Variants in SMG1 observed in about 807,000 individuals in gnomAD.
The protein encoded by SMG1 is SMG1 nonsense mediated mRNA decay associated PI3K related kinase.
A neutral mutation model predicts 419.9 loss-of-function variants in SMG1; 22 were observed. The observed-to-expected ratio is 0.05, with a 90% confidence interval of 0.04 to 0.07. SMG1 has a LOEUF of 0.07. Ranked by LOEUF, SMG1 falls within the 10% of genes least tolerant of loss-of-function variation. The probability of loss-of-function intolerance (pLI) is 1.00; values close to 1 mark genes in which losing one functional copy is unlikely to be tolerated. For synonymous variants in SMG1, 1,538 were observed against 1,553.5 expected, an observed-to-expected ratio of 0.99 and a Z score of 0.23; for missense variants, 3,185 against 4,342.0, an observed-to-expected ratio of 0.73 and a Z score of 7.49.
chr16:18,832,611 C>CACAT (rs2033274534), intron 51 of SMG1, among the ~76,000 whole-genome samples: 1 of 150,914 alleles, frequency 6.6e-6, no homozygotes, highest in African/African-American at 2.4e-5. Flanking sequence ...CACACACACA[C>CACAT]ACAAATAAGT....
At chr16:18,888,163 T>G (rs1178357970) in intron 6 of SMG1, among the ~76,000 whole-genome samples, 2 of 22,452 alleles carry the variant, frequency 8.9e-5, no homozygotes, top group South Asian at 1.1e-3. Flanking sequence ...AGACTCTGCA[T>G]CAAAAAAAAA....
At chr16:18,821,217 G>GTTTTTTTT (rs2032501770) in intron 55 of SMG1, among the ~76,000 whole-genome samples, 3 of 31,736 alleles carry the variant, frequency 9.5e-5, no homozygotes, top group African/African-American at 3.2e-4. Flanking sequence ...TATTTAGTAT[G>GTTTTTTTT]TTTCTTTTTT....
At chr16:18,909,326 G>C (rs2037704170) in intron 1 of SMG1, among the ~76,000 whole-genome samples, 1 of 151,720 alleles carries the variant, frequency 6.6e-6, no homozygotes, top group Non-Finnish European at 1.5e-5. Context: ...TGTGCAACAA[G>C]AGCGAAACTC....
rs2141203724 is a variant in SMG1, at chr16:18,829,338, G to A, written c.9551C>T (p.Ser3184Phe). 1 of 1,613,978 alleles carries A rather than the reference G, an allele frequency of 6.2e-7. No homozygotes were observed. Among genetic ancestry groups the A allele is most frequent in the Non-Finnish European group, 8.5e-7 (1 of 1,179,872 alleles). The change falls in exon 54 of 63, where the codon TCT becomes TTT. Residue 3184 changes from serine to phenylalanine, a missense_variant. Transcript: ENST00000446231. ...CCGCTGCAGGCTTGTCTTACAAGAA[G>A]AAATACTGGTTTCTAGCCTTCGCAC... ...DLVRRLETSI[S>F]SCKTSLQRVQ...
chr16:18,833,566 CAAA>C (rs35610810), intron 50 of SMG1, among the ~76,000 whole-genome samples: 1 of 145,908 alleles, frequency 6.9e-6, no homozygotes, highest in African/African-American at 2.6e-5. Context: ...TATTTCCCTT[CAAA>C]AAAAAAAAGT....
intron 1 of SMG1, among the ~76,000 whole-genome samples, chr16:18,914,416 C>T (rs2037896846): frequency 6.6e-6 from 1 of 152,050 alleles, no homozygotes; most frequent in Non-Finnish European, 1.5e-5. Context: ...GTGGCTCACG[C>T]CTGTAATCCC....
chr16:18,909,689 G>C (rs565206788), intron 1 of SMG1, among the ~76,000 whole-genome samples: 2 of 152,338 alleles, frequency 1.3e-5, no homozygotes, highest in Admixed American at 1.3e-4. Context: ...TGCCTTTCAA[G>C]ATAATCACAC....
At chr16:18,869,441 C>A in intron 19 of SMG1, 138 bp from the exon 20 acceptor site, 2 of 700,422 alleles carry the variant, frequency 2.9e-6, no homozygotes, top group South Asian at 3.6e-5. Context: ...AATTGAGAAG[C>A]ATTGTGTCCC....
chr16:18,865,107 T>G (rs192821564), intron 23 of SMG1, among the ~76,000 whole-genome samples: 2 of 152,126 alleles, frequency 1.3e-5, no homozygotes, highest in Non-Finnish European at 2.9e-5. Flanking sequence ...AAACAAATTA[T>G]AAATCAAGAA....
chr16:18,837,153 G>T, intron 46 of SMG1, 100 bp downstream of exon 46: 1 of 1,120,110 alleles, frequency 8.9e-7, no homozygotes, highest in Non-Finnish European at 1.2e-6. Flanking sequence ...TATCATTTAT[G>T]TGATTTGTTA....
chr16:18,857,567 C>A (rs954010236), intron 29 of SMG1: 1 of 152,190 alleles, frequency 6.6e-6, no homozygotes, highest in African/African-American at 2.4e-5. Context: ...ATAATCACTA[C>A]ATATGCACCA....
chr16:18,816,610 A>T, intron 57 of SMG1, 81 bp from the exon 58 acceptor site: 1 of 1,166,206 alleles, frequency 8.6e-7, no homozygotes, highest in Non-Finnish European at 1.2e-6. Context: ...ATCAAAAGAT[A>T]TTAGTAACTC....
chr16:18,873,815 CT>C (rs1466352390), intron 13 of SMG1, among the ~76,000 whole-genome samples: 1 of 152,188 alleles, frequency 6.6e-6, no homozygotes, highest in African/African-American at 2.4e-5. Context: ...TTCCATCCAT[CT>C]TTTTCCTTTA....
intron 20 of SMG1, 31 bp downstream of exon 20, chr16:18,869,073 G>GTACT (rs2035673263): frequency 1.3e-6 from 2 of 1,538,908 alleles, no homozygotes; most frequent in African/African-American, 2.7e-5. Flanking sequence ...GGCTTTGAAA[G>GTACT]TATTCACATC....
At chr16:18,898,185 A>G (rs1359665219) in intron 1 of SMG1, among the ~76,000 whole-genome samples, 3 of 152,210 alleles carry the variant, frequency 2.0e-5, no homozygotes, top group African/African-American at 7.2e-5. Context: ...ACTTACTGCA[A>G]TCACTGTTAA....
At chr16:18,863,971 T>G (rs1433117980) in intron 24 of SMG1, 31 bp downstream of exon 24, 1 of 1,550,624 alleles carries the variant, frequency 6.4e-7, no homozygotes, top group Admixed American at 2.0e-5. Context: ...TACTATAACT[T>G]TTGCTTTATT....
chr16:18,834,097 G>A, intron 50 of SMG1, 107 bp downstream of exon 50: 2 of 764,710 alleles, frequency 2.6e-6, no homozygotes, highest in Admixed American at 5.3e-5. Context: ...ATGACTGGTT[G>A]AGCAACATTC....
At chr16:18,842,922 T>C (rs1316859441) in intron 39 of SMG1, among the ~76,000 whole-genome samples, 2 of 152,350 alleles carry the variant, frequency 1.3e-5, no homozygotes, top group Non-Finnish European at 2.9e-5. Context: ...TGGGCCATCC[T>C]GGATGGGTTA....
At chr16:18,866,516 A>C (rs1410426420) in intron 23 of SMG1, 105 bp downstream of exon 23, 9 of 1,026,288 alleles carry the variant, frequency 8.8e-6, no homozygotes, top group African/African-American at 1.6e-5. Context: ...TTCAATGCTG[A>C]AAGCAAACAA....
Sources: gnomAD v4.1 joint callset for allele counts (sites outside exome capture counted in the v4.1 genomes callset) on GRCh38, gnomAD v4.1.1 for gene constraint, MANE v1.5 for transcripts, NCBI Gene and HGNC (gene_info 2026-07-23, HGNC 2026-07-21) for gene names.